CDH4: variants seen among roughly 807,000 people sequenced by gnomAD.
CDH4 encodes cadherin-4.
A neutral mutation model predicts 86.0 loss-of-function variants in CDH4; 33 were observed. The observed-to-expected ratio is 0.38, with a 90% confidence interval of 0.29 to 0.51. The LOEUF (loss-of-function observed/expected upper bound fraction) is 0.51, where lower values mean the gene tolerates loss of function less well. Among genes scored for constraint, CDH4 ranks in the 20% least tolerant of loss-of-function variants. CDH4 has a pLI of 0.86. For synonymous variants in CDH4, 555 were observed against 549.4 expected (o/e 1.01, Z -0.14); for missense variants, 1,114 against 1,307.4 (o/e 0.85, Z 2.28).
chr20:61,479,763 C>T lies in CDH4; in HGVS notation c.169+224826C>T, dbSNP rs1352602632. 2.0e-5 allele frequency among the ~76,000 whole-genome samples: 3 copies of T among 152,264 alleles called. 1 individual carries two copies. The highest frequency in any genetic ancestry group is 1.3e-4 in the Admixed American group (2 of 15,288). ...GTAGTTCTCATGAGACTGGGAAAAT[C>T]GTGGTCATGATTCCATGGCTTTTGT... On this transcript the variant is annotated intron_variant, in intron 2 of 15. Coordinates refer to ENST00000614565, the MANE Select transcript of CDH4 (RefSeq NM_001794.5).
intron 2 of CDH4, among the ~76,000 whole-genome samples, chr20:61,522,707 G>A (rs184146984): frequency 4.7e-5 from 6 of 127,984 alleles, no homozygotes; most frequent in African/African-American, 1.1e-4. Flanking sequence ...ACCCGGCTGC[G>A]GGCTGTTGTC....
chr20:61,779,233 C>T (rs868090793), intron 4 of CDH4, among the ~76,000 whole-genome samples: 33 of 152,290 alleles, frequency 2.2e-4, no homozygotes, highest in African/African-American at 5.5e-4. Context: ...CAGGAATCAG[C>T]GAATCAGCTG....
At chr20:61,821,720 A>G (rs1363911384) in intron 4 of CDH4, among the ~76,000 whole-genome samples, 1 of 152,232 alleles carries the variant, frequency 6.6e-6, no homozygotes, top group Non-Finnish European at 1.5e-5. Flanking sequence ...GATCTACAGG[A>G]AGGTTTTCCT....
chr20:61,360,298 G>A (rs1324562224), intron 2 of CDH4, among the ~76,000 whole-genome samples: 1 of 152,220 alleles, frequency 6.6e-6, no homozygotes, highest in Non-Finnish European at 1.5e-5. Flanking sequence ...AGGATACCAG[G>A]TGAGACGTGG....
chr20:61,905,375 G>A (rs759837762), intron 8 of CDH4, among the ~76,000 whole-genome samples: 5 of 152,214 alleles, frequency 3.3e-5, no homozygotes, highest in African/African-American at 4.8e-5. Flanking sequence ...AGAGAGCGCC[G>A]CGCTCCCTCC....
chr20:61,752,592 G>C (rs931958265), intron 3 of CDH4, among the ~76,000 whole-genome samples: 1 of 152,134 alleles, frequency 6.6e-6, no homozygotes, highest in Non-Finnish European at 1.5e-5. Context: ...GAAATCTTAC[G>C]CATAATCACC....
chr20:61,294,985 A>G (rs1288804679), intron 2 of CDH4, among the ~76,000 whole-genome samples: 3 of 152,244 alleles, frequency 2.0e-5, no homozygotes, highest in Non-Finnish European at 4.4e-5. Context: ...GAGGAAAAAG[A>G]AAGTGAGCCC....
intron 2 of CDH4, among the ~76,000 whole-genome samples, chr20:61,624,213 A>C (rs1191781391): frequency 6.6e-6 from 1 of 152,100 alleles, no homozygotes; most frequent in Non-Finnish European, 1.5e-5. Flanking sequence ...TCACCTGGGG[A>C]CCTCACCTCA....
Position 61,917,199 on chromosome 20 carries a change from GCCA to G in CDH4, c.1375-6249_1375-6247del, listed in dbSNP as rs1249208052. On this transcript the variant is annotated intron_variant, in intron 9 of 15. Coordinates refer to ENST00000614565, the MANE Select transcript of CDH4 (RefSeq NM_001794.5). ...CAGCCGGGGATGAGGAATGCGCCTT[GCCA>G]CCTCCCAGGCTCTACCTGAGGTGGG... Among the ~76,000 whole-genome samples, 3 of 152,170 alleles carry G rather than the reference GCCA, an allele frequency of 2.0e-5. No homozygotes were observed. In the East Asian group the frequency reaches 5.8e-4, roughly 29 times the overall value.
At chr20:61,587,719 C>T (rs2086489108) in intron 2 of CDH4, among the ~76,000 whole-genome samples, 1 of 152,200 alleles carries the variant, frequency 6.6e-6, no homozygotes, top group Non-Finnish European at 1.5e-5. Context: ...GACGGCCTTA[C>T]AGTCACCCAC....
At chr20:61,577,631 C>T (rs1414626270) in intron 2 of CDH4, among the ~76,000 whole-genome samples, 2 of 151,990 alleles carry the variant, frequency 1.3e-5, no homozygotes, top group Non-Finnish European at 1.5e-5. Flanking sequence ...TCTGGGGTCC[C>T]AGGAAGGATG....
At chr20:61,874,547 C>T (rs191079895) in intron 7 of CDH4, among the ~76,000 whole-genome samples, 8 of 152,256 alleles carry the variant, frequency 5.3e-5, no homozygotes, top group Non-Finnish European at 8.8e-5. Context: ...AGGCCCTGGG[C>T]GGTGGGTGAG....
At chr20:61,628,861 T>C (rs1407269488) in intron 2 of CDH4, among the ~76,000 whole-genome samples, 1 of 152,242 alleles carries the variant, frequency 6.6e-6, no homozygotes, top group Non-Finnish European at 1.5e-5. Flanking sequence ...GAATGGATGA[T>C]GGGCCCCTCT....
chr20:61,723,612 A>G (rs16985520), intron 2 of CDH4, among the ~76,000 whole-genome samples: 50,377 of 152,130 alleles, frequency 0.33, 9,468 homozygotes, highest in South Asian at 0.44. Context: ...TCAAAAATGC[A>G]TGAGAAGTGA....
intron 2 of CDH4, among the ~76,000 whole-genome samples, chr20:61,661,907 C>T (rs1271788234): frequency 6.6e-6 from 1 of 152,168 alleles, no homozygotes; most frequent in Non-Finnish European, 1.5e-5. Context: ...GGTCCTGTAA[C>T]ATGCAACTGT....
rs1038070758 is a variant in CDH4 at position 61,517,868 on chromosome 20, T to A, written c.170-225695T>A. On this transcript the variant is annotated intron_variant, in intron 2 of 15. Transcript: ENST00000614565. This position sits in a 1 kb window ranked among gnomAD's most constrained non-coding sequence, Gnocchi z 6.6. ...TTCATTTATTCTCAGTTCCGTCCCATGCAGGTGCCTCACAAAACCCATATA... is the reference window on the plus strand; with the variant it reads ...TTCATTTATTCTCAGTTCCGTCCCAAGCAGGTGCCTCACAAAACCCATATA... Among the ~76,000 whole-genome samples, 1 of 152,192 alleles carries A rather than the reference T, an allele frequency of 6.6e-6. No individual in the cohort carries two copies. The highest frequency in any genetic ancestry group is 2.4e-5 in the African/African-American group (1 of 41,448).
Position 61,852,751 on chromosome 20 carries a change from C to T in CDH4, c.733-3C>T. ...CTGGGCCCTGTCTCTGCTGCTTTTC[C>T]AGCTCCGAGCCCACGCTGTGGACAT... On this transcript the variant is annotated splice_region_variant and splice_polypyrimidine_tract_variant and intron_variant, in intron 5 of 15. Transcript: ENST00000614565. 5 of 1,607,306 alleles carry T rather than the reference C, an allele frequency of 3.1e-6. No individual in the cohort carries two copies. The highest frequency in any genetic ancestry group is 4.3e-6 in the Non-Finnish European group (5 of 1,176,208).
At chr20:61,584,544 G>T (rs1342231409) in intron 2 of CDH4, among the ~76,000 whole-genome samples, 1 of 152,308 alleles carries the variant, frequency 6.6e-6, no homozygotes, top group East Asian at 1.9e-4. Flanking sequence ...CACATCCGCT[G>T]CTGTCTCCAG....
At chr20:61,512,845 C>T (rs965249513) in intron 2 of CDH4, among the ~76,000 whole-genome samples, 2 of 152,166 alleles carry the variant, frequency 1.3e-5, no homozygotes, top group African/African-American at 4.8e-5. Flanking sequence ...GAAAGAGGAC[C>T]GACCTCTCAG....
Sources: gnomAD v4.1 joint callset for allele counts (sites outside exome capture counted in the v4.1 genomes callset) on GRCh38, gnomAD v4.1.1 for gene constraint, Gnocchi (gnomAD v3.1) non-coding constraint, MANE v1.5 for transcripts, NCBI Gene and HGNC (gene_info 2026-07-23, HGNC 2026-07-21) for gene names.